Variants in AMD1 observed in about 807,000 individuals in gnomAD.
The protein encoded by AMD1 is adenosylmethionine decarboxylase 1, also known as S-adenosylmethionine decarboxylase proenzyme.
In AMD1, 11 loss-of-function variants were observed where a neutral mutation model predicts 40.2. That is an observed-to-expected ratio of 0.27 (90% CI 0.17 to 0.45). The LOEUF is 0.45. AMD1 is among the 20% of genes least tolerant of loss of function. AMD1 has a pLI of 1.00. For synonymous variants in AMD1, 121 were observed against 130.8 expected, an observed-to-expected ratio of 0.93 and a Z score of 0.51; for missense variants, 257 against 410.2, an observed-to-expected ratio of 0.63 and a Z score of 3.23.
chr6:110,857,270 A>C, the AMD1 span, among the ~76,000 whole-genome samples: 1 of 152,086 alleles, frequency 6.6e-6, no homozygotes, highest in Non-Finnish European at 1.5e-5. Context: ...ACAGTGACTC[A>C]TGCCTGTAAT....
chr6:110,840,203 G>C, the AMD1 span, among the ~76,000 whole-genome samples: 15 of 152,000 alleles, frequency 9.9e-5, 1 homozygote, highest in East Asian at 2.7e-3. Context: ...TCTCTAAGTT[G>C]TTCATAGTTC....
the AMD1 span, among the ~76,000 whole-genome samples, chr6:110,831,191 A>G: frequency 6.6e-6 from 1 of 151,970 alleles, no homozygotes; most frequent in African/African-American, 2.4e-5. Context: ...TGTAATCCCA[A>G]CACTTCAGGA....
intron 3 of AMD1, chr6:110,889,880 T>C (rs760658773): frequency 1.3e-4 from 21 of 165,284 alleles, no homozygotes; most frequent in African/African-American, 5.0e-4. Flanking sequence ...AAAACTAATA[T>C]GTTATTCCCC....
the AMD1 span, among the ~76,000 whole-genome samples, chr6:110,820,547 C>T: frequency 4.0e-5 from 6 of 150,978 alleles, no homozygotes; most frequent in African/African-American, 1.5e-4. Context: ...GGTAGTAAAT[C>T]GTTTTTAGGG....
At chr6:110,815,239 TCTCGCG>T in the AMD1 span, 1 of 1,148,834 alleles carries the variant, frequency 8.7e-7, no homozygotes, top group Non-Finnish European at 1.1e-6. Context: ...AACAGCCGCC[TCTCGCG>T]CGCGCGCGCG....
At chr6:110,866,722 G>T in the AMD1 span, among the ~76,000 whole-genome samples, 8 of 152,236 alleles carry the variant, frequency 5.3e-5, no homozygotes, top group African/African-American at 1.9e-4. Context: ...AGAGGGTGGG[G>T]GAAGGGAGGG....
At chr6:110,857,072 G>T in the AMD1 span, among the ~76,000 whole-genome samples, 2 of 152,080 alleles carry the variant, frequency 1.3e-5, no homozygotes, top group Non-Finnish European at 2.9e-5. Flanking sequence ...GCTGAGGCAG[G>T]ATAATCACTT....
chr6:110,836,733 G>C, the AMD1 span, among the ~76,000 whole-genome samples: 2 of 151,906 alleles, frequency 1.3e-5, no homozygotes, highest in African/African-American at 4.8e-5. Flanking sequence ...GACCAAGGTT[G>C]TTTGTTTTGT....
the AMD1 span, among the ~76,000 whole-genome samples, chr6:110,818,176 T>C: frequency 1.3e-5 from 2 of 152,122 alleles, no homozygotes; most frequent in African/African-American, 4.8e-5. Context: ...AAAATTAATA[T>C]AAGTAGAGAG....
chr6:110,837,513 C>T, the AMD1 span, among the ~76,000 whole-genome samples: 1 of 150,186 alleles, frequency 6.7e-6, no homozygotes, highest in Non-Finnish European at 1.5e-5. Flanking sequence ...GAGTTCAAGA[C>T]CAGCCTGGCC....
the AMD1 span, among the ~76,000 whole-genome samples, chr6:110,831,912 C>G: frequency 2.6e-5 from 4 of 151,950 alleles, no homozygotes; most frequent in Admixed American, 2.6e-4. Flanking sequence ...GGCATTATCA[C>G]AGCTGACTGC....
At chr6:110,887,751 T>C (rs1246802230) in intron 2 of AMD1, among the ~76,000 whole-genome samples, 160 bp downstream of exon 2, 1 of 152,152 alleles carries the variant, frequency 6.6e-6, no homozygotes. Flanking sequence ...AATGGCGCCA[T>C]GTCAGCTCAC....
chr6:110,890,221 C>CT (rs201408347), intron 3 of AMD1, 33 bp from the exon 4 acceptor site: 2,288 of 1,409,598 alleles, frequency 1.6e-3, no homozygotes, highest in Admixed American at 4.0e-3. Flanking sequence ...CTAAAGTCAT[C>CT]TTTTTTTTTC....
chr6:110,838,499 T>A, the AMD1 span, among the ~76,000 whole-genome samples: 2 of 152,172 alleles, frequency 1.3e-5, no homozygotes, highest in African/African-American at 4.8e-5. Flanking sequence ...CTCTTTTCCA[T>A]CTATATTAGG....
In AMD1 at chr6:110,879,327, T is replaced by A. The variant is rs149809076; in HGVS notation, c.110+4112T>A. On this transcript the variant is annotated intron_variant, in intron 1 of 8. Coordinates refer to ENST00000368885, the MANE Select transcript of AMD1 (RefSeq NM_001634.6). ...TGAGATTGCACCAGTGCGCTCCATC[T>A]GGTGGCAGAGTGAAACCCTCTCAAC... Among the ~76,000 whole-genome samples, 768 of 152,332 alleles carry A rather than the reference T, an allele frequency of 5.0e-3. 6 individuals carry two copies. Among genetic ancestry groups the A allele is most frequent in the Non-Finnish European group, 8.9e-3 (605 of 68,032 alleles).
chr6:110,882,763 A>G (rs552715210), intron 1 of AMD1, among the ~76,000 whole-genome samples: 1 of 152,320 alleles, frequency 6.6e-6, no homozygotes, highest in Admixed American at 6.5e-5. Context: ...TTACCGGAGC[A>G]TTACTATTAG....
chr6:110,826,632 C>T, the AMD1 span, among the ~76,000 whole-genome samples: 1 of 151,880 alleles, frequency 6.6e-6, no homozygotes, highest in South Asian at 2.1e-4. Context: ...TCTCTGTCTC[C>T]ACATGGCCGT....
the AMD1 span, among the ~76,000 whole-genome samples, chr6:110,866,170 T>C: frequency 6.6e-6 from 1 of 152,242 alleles, no homozygotes. Flanking sequence ...TTTAAAGTTT[T>C]AATAGATAAT....
At chr6:110,837,302 T>C in the AMD1 span, among the ~76,000 whole-genome samples, 1 of 149,886 alleles carries the variant, frequency 6.7e-6, no homozygotes, top group African/African-American at 2.5e-5. Context: ...CCCATCTCTA[T>C]TTAAAACTAA....
Sources: allele counts gnomAD v4.1 joint callset (sites outside exome capture counted in the v4.1 genomes callset), GRCh38; gene constraint gnomAD v4.1.1; transcripts MANE v1.5; gene names NCBI Gene and HGNC (gene_info 2026-07-23, HGNC 2026-07-21).